Variants in ANKRD6 observed in about 807,000 individuals in gnomAD.
ANKRD6 encodes the protein ankyrin repeat domain-containing protein 6.
ANKRD6 carries 56 observed loss-of-function variants against 82.3 expected under a neutral mutation model. The observed-to-expected ratio is 0.68, with a 90% confidence interval of 0.55 to 0.85. The LOEUF (loss-of-function observed/expected upper bound fraction) is 0.85. Among genes scored for constraint, ANKRD6 ranks in the 40% least tolerant of loss-of-function variants. The pLI, the probability that ANKRD6 is intolerant of heterozygous loss-of-function variation, is 0.00. For synonymous variants in ANKRD6, 347 were observed against 352.1 expected, an observed-to-expected ratio of 0.99 and a Z score of 0.16; for missense variants, 852 against 907.6, an observed-to-expected ratio of 0.94 and a Z score of 0.79.
chr6:89,516,308 A>C (rs1781202874), intron 1 of ANKRD6, among the ~76,000 whole-genome samples: 1 of 152,212 alleles, frequency 6.6e-6, no homozygotes, highest in Non-Finnish European at 1.5e-5. Flanking sequence ...GCCTGAGTCC[A>C]TGAGCTGAGA....
At chr6:89,629,268 C>T (rs772682548) in intron 15 of ANKRD6, 30 bp downstream of exon 15, 1 of 1,613,056 alleles carries the variant, frequency 6.2e-7, no homozygotes, top group South Asian at 1.1e-5. Context: ...CCCTTTTGTC[C>T]AAAAGGAACA....
chr6:89,606,147 G>T lies in ANKRD6; in HGVS notation c.417+42G>T, dbSNP rs1267039956. On this transcript the variant is annotated intron_variant, in intron 5 of 15. Transcript: ENST00000339746. ...GCTAGAATGCCTCATTCACAGGTGA[G>T]GATGGCTGTGGGTTTCTCCCCCTGT... is the stretch of plus-strand genomic sequence containing the variant. 5 of 1,467,780 alleles carry T rather than the reference G, an allele frequency of 3.4e-6. No homozygotes were observed. In the Admixed American group the frequency reaches 1.0e-4, roughly 30 times the overall value. The allele number at this position is 1,467,780 out of a possible 1,614,324, so 90.9% of individuals were successfully genotyped here.
intron 12 of ANKRD6, among the ~76,000 whole-genome samples, 170 bp downstream of exon 12, chr6:89,624,227 C>T (rs1430970019): frequency 6.6e-6 from 1 of 152,202 alleles, no homozygotes; most frequent in Non-Finnish European, 1.5e-5. Context: ...TCCACTCCTG[C>T]TGCTAAGGCC....
At chr6:89,484,009 G>A (rs1038172001) in intron 1 of ANKRD6, among the ~76,000 whole-genome samples, 2 of 152,076 alleles carry the variant, frequency 1.3e-5, no homozygotes, top group African/African-American at 4.8e-5. Flanking sequence ...TCTGTCAAGC[G>A]CTTCTCGTGC....
rs145553641 is a variant in ANKRD6 at position 89,553,347 on chromosome 6, G to A, written c.-143-13487G>A. On this transcript the variant is annotated intron_variant, in intron 1 of 15. Coordinates refer to ENST00000339746, the MANE Select transcript of ANKRD6 (RefSeq NM_001242809.2). ...GATTGAGCGTGTGCCTGAGGATGGC[G>A]GGCTCACTGACTTGCAGGTGTCCTC... Among the ~76,000 whole-genome samples, 131 of 152,286 alleles carry A rather than the reference G, an allele frequency of 8.6e-4. No individual in the cohort carries two copies. In the East Asian group the frequency reaches 0.023, roughly 26 times the overall value.
At position 89,603,073 on chromosome 6, in the gene ANKRD6, G is replaced by A. The variant is rs768542414; in HGVS notation, c.264G>A (p.Thr88=). 4.7e-5 allele frequency: 75 copies of A among 1,609,124 alleles called. No homozygotes were observed. The highest frequency in any genetic ancestry group is 4.3e-4 in the East Asian group (19 of 44,674). The change falls in exon 4 of 16, where the codon ACG becomes ACA. Residue 88 remains threonine, a synonymous_variant. Transcript: ENST00000339746. ...ACCGGGCCACAGTGGTGGGGAACAC[G>A]GAGATCATCGCGGCGCTCATCCACG... ...ALHRATVVGN[T]EIIAALIHEG...
chr6:89,570,307 C>T (rs895657906), intron 2 of ANKRD6, among the ~76,000 whole-genome samples: 2 of 152,152 alleles, frequency 1.3e-5, no homozygotes, highest in Non-Finnish European at 2.9e-5. Flanking sequence ...GTGATCTTCC[C>T]TCCTCAGCCT....
chr6:89,598,100 T>C (rs1583599825), intron 3 of ANKRD6: 3 of 985,286 alleles, frequency 3.0e-6, no homozygotes, highest in South Asian at 9.4e-5. Context: ...CAGATACTGA[T>C]CTTTATGGCA....
chr6:89,473,192 C>T, intron 1 of ANKRD6, among the ~76,000 whole-genome samples: 1 of 152,198 alleles, frequency 6.6e-6, no homozygotes, highest in Middle Eastern at 3.4e-3. Context: ...GGATAGATCA[C>T]CTGAGGTCAG....
intron 1 of ANKRD6, among the ~76,000 whole-genome samples, chr6:89,548,841 T>A (rs1344987876): frequency 6.6e-6 from 1 of 152,186 alleles, no homozygotes; most frequent in Non-Finnish European, 1.5e-5. Context: ...TGCATAGTAA[T>A]AGTTAGGTTT....
At chr6:89,517,364 A>G (rs1247155033) in intron 1 of ANKRD6, among the ~76,000 whole-genome samples, 7 of 152,236 alleles carry the variant, frequency 4.6e-5, no homozygotes, top group Non-Finnish European at 8.8e-5. Context: ...CTTTCTTTAT[A>G]GAGGGATAGT....
chr6:89,572,294 A>G (rs1250633993), intron 2 of ANKRD6, among the ~76,000 whole-genome samples: 8 of 152,206 alleles, frequency 5.3e-5, no homozygotes, highest in Non-Finnish European at 8.8e-5. Context: ...GATACCAAGG[A>G]GTGCAGTTGC....
At chr6:89,462,309 T>A (rs1774277622) in intron 1 of ANKRD6, among the ~76,000 whole-genome samples, 1 of 151,320 alleles carries the variant, frequency 6.6e-6, no homozygotes, top group African/African-American at 2.4e-5. Context: ...ACAGTGTTTA[T>A]CTTCTTTTGG....
chr6:89,615,512 TAG>T (rs975323170), intron 7 of ANKRD6, among the ~76,000 whole-genome samples: 8 of 152,172 alleles, frequency 5.3e-5, no homozygotes, highest in African/African-American at 1.9e-4. Flanking sequence ...GCCCACATGG[TAG>T]ACCAATGAAT....
intron 1 of ANKRD6, among the ~76,000 whole-genome samples, chr6:89,497,042 T>C (rs141278346): frequency 7.9e-5 from 12 of 152,234 alleles, no homozygotes; most frequent in African/African-American, 2.9e-4. Flanking sequence ...TTGTATAAAT[T>C]CCAACTTGTC....
chr6:89,513,453 A>G (rs976081526), intron 1 of ANKRD6, among the ~76,000 whole-genome samples: 2 of 152,172 alleles, frequency 1.3e-5, no homozygotes, highest in African/African-American at 2.4e-5. Context: ...TGAATTCTAT[A>G]TAAGGAGAAT....
intron 1 of ANKRD6, among the ~76,000 whole-genome samples, chr6:89,560,365 C>G (rs891472314): frequency 6.6e-6 from 1 of 152,158 alleles, no homozygotes; most frequent in Admixed American, 6.5e-5. Context: ...ACTCAGAGTA[C>G]GTGTGCAAGC....
intron 1 of ANKRD6, among the ~76,000 whole-genome samples, chr6:89,483,893 CCTCTCTCTCTCTGT>C (rs1777069993): frequency 1.3e-5 from 2 of 151,798 alleles, no homozygotes; most frequent in Non-Finnish European, 2.9e-5. Flanking sequence ...CTGTAGTCCT[CCTCTCTCTCTCTGT>C]CTCTCTCTCT....
intron 1 of ANKRD6, among the ~76,000 whole-genome samples, chr6:89,538,875 TG>T (rs1784159817): frequency 6.6e-6 from 1 of 152,120 alleles, no homozygotes; most frequent in South Asian, 2.1e-4. Flanking sequence ...AAGAGCAACA[TG>T]TTTTTCAATG....
Sources: gnomAD v4.1 joint callset for allele counts (sites outside exome capture counted in the v4.1 genomes callset) on GRCh38, gnomAD v4.1.1 for gene constraint, MANE v1.5 for transcripts, NCBI Gene and HGNC (gene_info 2026-07-23, HGNC 2026-07-21) for gene names.